RORA: variants seen among roughly 807,000 people sequenced by gnomAD.
RORA encodes RAR related orphan receptor A.
A neutral mutation model predicts 69.5 loss-of-function variants in RORA; 7 were observed. That is an observed-to-expected ratio of 0.10 (90% CI 0.06 to 0.19). The LOEUF (loss-of-function observed/expected upper bound fraction) is 0.19, where lower values mean the gene tolerates loss of function less well. Ranked by LOEUF, RORA falls within the 10% of genes least tolerant of loss-of-function variation. The probability of loss-of-function intolerance (pLI) is 1.00; values close to 1 mark genes in which losing one functional copy is unlikely to be tolerated. For synonymous variants in RORA, 261 were observed against 240.8 expected, an observed-to-expected ratio of 1.08 and a Z score of -0.78; for missense variants, 457 against 663.0, an observed-to-expected ratio of 0.69 and a Z score of 3.41.
chr15:60,918,635 C>T (rs1891949153), intron 1 of RORA, among the ~76,000 whole-genome samples: 1 of 152,182 alleles, frequency 6.6e-6, no homozygotes, highest in Non-Finnish European at 1.5e-5. Context: ...TTTATCTTTT[C>T]ATTCCCAATT....
At chr15:60,810,766 T>C (rs1230344068) in intron 1 of RORA, among the ~76,000 whole-genome samples, 2 of 152,062 alleles carry the variant, frequency 1.3e-5, no homozygotes, top group Non-Finnish European at 2.9e-5. Context: ...TCTAACTTGC[T>C]GCTTTCTCTG....
rs569313643 is a variant in RORA, at chr15:61,228,024, T to A, written c.166+1029A>T. On this transcript the variant is annotated intron_variant, in intron 1 of 10. Transcript: ENST00000335670. The stretch of plus-strand genomic sequence containing the variant: ...GGAGGGAGCAACTGAGTCCCCCCCA[T>A]CCCCCCCAACACACGCAGACACAGA... Among the ~76,000 whole-genome samples the A allele has an allele frequency of 3.3e-3, 435 of 132,862 alleles. 5 individuals are homozygous for A. The highest frequency in any genetic ancestry group is 5.3e-3 in the East Asian group (22 of 4,116). 87.2% of individuals were successfully genotyped at this position (132,862 alleles called of 152,430 possible). A position where few individuals can be genotyped will look rare whatever the true frequency, so the allele number is the denominator to read the frequency against.
At chr15:60,961,570 G>A (rs139849493) in intron 1 of RORA, among the ~76,000 whole-genome samples, 1 of 152,332 alleles carries the variant, frequency 6.6e-6, no homozygotes, top group Admixed American at 6.5e-5. Flanking sequence ...TTTAAATTTG[G>A]CCTAAGATAT....
rs149119881 is a variant in RORA at position 60,967,881 on chromosome 15, G to C, written c.166+261172C>G. On this transcript the variant is annotated intron_variant, in intron 1 of 10. Transcript: ENST00000335670. ...GTTCCAGAAAGGCGGGGGTGCTTCT[G>C]AATGTGGTTACAAATGCTTGCCATC... 5.6e-3 allele frequency among the ~76,000 whole-genome samples: 854 copies of C among 152,304 alleles called. 5 individuals carry two copies. Among genetic ancestry groups the C allele is most frequent in the Non-Finnish European group, 6.8e-3 (465 of 68,032 alleles).
intron 1 of RORA, among the ~76,000 whole-genome samples, chr15:61,034,788 C>CAAAAAAAAAAAAAAAAAAAAAAACAAAAA (rs33933996): frequency 1.2e-5 from 1 of 83,008 alleles, no homozygotes. Flanking sequence ...CATCACAGAC[C>CAAAAAAAAAAAAAAAAAAAAAAACAAAAA]AAAAAAAAAA....
intron 1 of RORA, among the ~76,000 whole-genome samples, chr15:60,895,175 G>A (rs1364172294): frequency 4.6e-5 from 7 of 152,134 alleles, no homozygotes; most frequent in African/African-American, 1.4e-4. Flanking sequence ...CATGACACAC[G>A]AAATGAAATC....
intron 1 of RORA, among the ~76,000 whole-genome samples, chr15:60,936,130 A>G (rs1340648019): frequency 1.3e-5 from 2 of 152,194 alleles, no homozygotes; most frequent in Non-Finnish European, 2.9e-5. Flanking sequence ...GCAAAGTTCC[A>G]GCAGAAAAAC....
Position 60,564,180 on chromosome 15 carries a change from G to A in RORA, c.197-32329C>T, listed in dbSNP as rs182956607. Among the ~76,000 whole-genome samples the A allele has an allele frequency of 1.4e-3, 218 of 152,260 alleles. 1 individual carries two copies. Among genetic ancestry groups the A allele is most frequent in the African/African-American group, 5.1e-3 (211 of 41,546 alleles). On this transcript the variant is annotated intron_variant, in intron 2 of 10. Coordinates refer to ENST00000335670, the MANE Select transcript of RORA (RefSeq NM_134261.3). ...TTCAAATCCCAGCTCACACTTCTGT[G>A]TGAACTTATGCAAAAATTTTAACCT...
At chr15:60,797,267 G>C (rs76424643) in intron 1 of RORA, among the ~76,000 whole-genome samples, 5,930 of 152,006 alleles carry the variant, frequency 0.039, 391 homozygotes, top group African/African-American at 0.14. Flanking sequence ...AAAATGGTAA[G>C]TTGTACATTA....
intron 1 of RORA, among the ~76,000 whole-genome samples, chr15:61,105,860 C>T (rs183378477): frequency 1.3e-5 from 2 of 152,324 alleles, no homozygotes; most frequent in East Asian, 1.9e-4. Flanking sequence ...TTATTAGCTC[C>T]ACTTCCATTC....
chr15:60,794,014 C>T (rs961348687), intron 1 of RORA, among the ~76,000 whole-genome samples: 1 of 152,206 alleles, frequency 6.6e-6, no homozygotes. Flanking sequence ...TCCAAGGTGA[C>T]AGGGAAAAGG....
chr15:60,671,665 G>A (rs1194177700), intron 2 of RORA, among the ~76,000 whole-genome samples: 1 of 151,908 alleles, frequency 6.6e-6, no homozygotes, highest in East Asian at 2.0e-4. Context: ...AGGCTGGAGT[G>A]CAGTGGCGTG....
In RORA at chr15:60,601,759, G is replaced by C. The variant is rs556214701; in HGVS notation, c.197-69908C>G. On this transcript the variant is annotated intron_variant, in intron 2 of 10. Coordinates refer to ENST00000335670, the MANE Select transcript of RORA (RefSeq NM_134261.3). ...TGATAGCTTAATAATCTTAAGCAGA[G>C]CCATTTATTTTCAATGTACTTTGAG... is the stretch of plus-strand genomic sequence containing the variant. Among the ~76,000 whole-genome samples the C allele has an allele frequency of 1.1e-4, 16 of 152,180 alleles. No homozygotes were observed. The South Asian group carries it at 3.3e-3, about 32-fold the overall frequency.
At chr15:60,649,488 C>T (rs2070108185) in intron 2 of RORA, among the ~76,000 whole-genome samples, 1 of 152,202 alleles carries the variant, frequency 6.6e-6, no homozygotes, top group Non-Finnish European at 1.5e-5. Flanking sequence ...TCAGCCCTGA[C>T]ACGCCACTTC....
rs865871324 is a variant in RORA, at chr15:60,492,341, C to T, written c.*5114G>A. 2.0e-5 allele frequency: 3 copies of T among 152,082 alleles called. No individual in the cohort carries two copies. The highest frequency in any genetic ancestry group is 2.1e-4 in the South Asian group (1 of 4,834). The allele number at this position is 152,082 out of a possible 1,614,324, so 9.4% of individuals were successfully genotyped here. ...TAACATGTAACACTAAATGTTGGCT[C>T]GAGTTGCTGCTGTCATACAGGCAGG... On this transcript the variant is annotated 3_prime_UTR_variant, in exon 11 of 11. Transcript: ENST00000335670.
intron 1 of RORA, among the ~76,000 whole-genome samples, chr15:60,913,800 G>T (rs1157550799): frequency 6.6e-6 from 1 of 152,068 alleles, no homozygotes; most frequent in Admixed American, 6.6e-5. Flanking sequence ...TATTAAAGGG[G>T]GTCTCAACAA....
chr15:61,186,773 C>T (rs1429093365), intron 1 of RORA, among the ~76,000 whole-genome samples: 1 of 152,120 alleles, frequency 6.6e-6, no homozygotes, highest in Non-Finnish European at 1.5e-5. Flanking sequence ...AACTGTGCTG[C>T]TCCTCAAACA....
At chr15:60,627,243 G>A in intron 2 of RORA, 1 of 1,614,162 alleles carries the variant, frequency 6.2e-7, no homozygotes, top group East Asian at 2.2e-5. Context: ...CTTACCTTCT[G>A]GCTCCTTCAC....
chr15:60,569,214 C>T (rs958357994), intron 2 of RORA, among the ~76,000 whole-genome samples: 3 of 146,092 alleles, frequency 2.1e-5, no homozygotes, highest in African/African-American at 5.1e-5. Context: ...CCTAAGAGTT[C>T]GAGACTAGCC....
Sources: allele counts gnomAD v4.1 joint callset (sites outside exome capture counted in the v4.1 genomes callset), GRCh38; gene constraint gnomAD v4.1.1; transcripts MANE v1.5; gene names NCBI Gene and HGNC (gene_info 2026-07-23, HGNC 2026-07-21).